Variants in N4BP2L1 observed in about 807,000 individuals in gnomAD.
N4BP2L1 encodes the protein NEDD4 binding protein 2 like 1, also known as NEDD4-binding protein 2-like 1.
Under a neutral mutation model 21.2 loss-of-function variants are expected in N4BP2L1, and 12 were observed. That is an observed-to-expected ratio of 0.57 (90% CI 0.36 to 0.92). The LOEUF (loss-of-function observed/expected upper bound fraction) is 0.92. Among genes scored for constraint, N4BP2L1 ranks in the 40% least tolerant of loss-of-function variants. N4BP2L1 has a pLI of 0.01. For missense variants in N4BP2L1, 259 were observed against 310.6 expected, an observed-to-expected ratio of 0.83 and a Z score of 1.25; for synonymous variants, 104 against 112.8, an observed-to-expected ratio of 0.92 and a Z score of 0.49.
intron 1 of N4BP2L1, among the ~76,000 whole-genome samples, chr13:32,412,385 G>GGGAGGCCAAGACGGGCA (rs1555294955): frequency 2.4e-5 from 2 of 85,090 alleles, no homozygotes; most frequent in Non-Finnish European, 6.5e-5. Flanking sequence ...CCAGCACTTT[G>GGGAGGCCAAGACGGGCA]GGAGGCCAAG....
chr13:32,402,319 C>T lies in N4BP2L1; in HGVS notation c.*623G>A. 1.7e-6 allele frequency: 1 copy of T among 584,018 alleles called. No homozygotes were observed. The highest frequency in any genetic ancestry group is 2.2e-6 in the Non-Finnish European group (1 of 463,634). The allele number at this position is 584,018 out of a possible 1,614,324, so 36.2% of individuals were successfully genotyped here. On this transcript the variant is annotated 3_prime_UTR_variant, in exon 5 of 5. Coordinates refer to ENST00000380130, the MANE Select transcript of N4BP2L1 (RefSeq NM_052818.3). Reference sequence around the variant, plus strand: ...GCTCCTGTAGCTATTAAGGATTTGACAGCATTTTTAACAATGATACATCAT... The same window carrying T: ...GCTCCTGTAGCTATTAAGGATTTGATAGCATTTTTAACAATGATACATCAT...
chr13:32,427,133 G>A (rs1178055607), intron 1 of N4BP2L1, among the ~76,000 whole-genome samples: 2 of 152,246 alleles, frequency 1.3e-5, no homozygotes, highest in Non-Finnish European at 2.9e-5. Flanking sequence ...CCAGAGGTTG[G>A]GTACCGGAGG....
At position 32,402,983 on chromosome 13, in the gene N4BP2L1, T is replaced by C; in HGVS notation, c.691A>G (p.Ser231Gly). 6.2e-7 allele frequency: 1 copy of C among 1,613,780 alleles called. No homozygotes were observed. The highest frequency in any genetic ancestry group is 8.5e-7 in the Non-Finnish European group (1 of 1,179,770). The change falls in exon 5 of 5, where the codon AGC becomes GGC. Residue 231 changes from serine to glycine, a missense_variant. By Grantham distance (56) the Ser-to-Gly change is moderately conservative. Around this residue, in one of 3 missense-constraint regions of N4BP2L1, gnomAD observed 108 missense variants for 107.8 expected, o/e 1.00. Coordinates refer to ENST00000380130, the MANE Select transcript of N4BP2L1 (RefSeq NM_052818.3). ...RRAHGGFTNE[S>G]SYHRRGGCHH... ...CAACCGCCCCTTCTGTGATAGGAGC[T>C]CTCATTTGTAAATCCACCGTGGGCC...
intron 1 of N4BP2L1, chr13:32,425,178 C>T (rs2074693708): frequency 6.6e-6 from 1 of 152,122 alleles, no homozygotes; most frequent in South Asian, 2.1e-4. Flanking sequence ...TATTTTTAAA[C>T]AATTTGCTCT....
At chr13:32,403,542 T>C (rs745424074) in intron 4 of N4BP2L1, 5 of 406,358 alleles carry the variant, frequency 1.2e-5, no homozygotes, top group Non-Finnish European at 2.4e-5. Flanking sequence ...CATATATCTA[T>C]CTACTTATGT....
intron 1 of N4BP2L1, among the ~76,000 whole-genome samples, chr13:32,424,480 A>G (rs181419448): frequency 6.2e-4 from 94 of 152,274 alleles, no homozygotes; most frequent in Admixed American, 1.7e-3. Context: ...ATGTCTTTCC[A>G]TTGGTTAATC....
Position 32,407,353 on chromosome 13 carries a change from T to C in N4BP2L1, c.308-15A>G. 1 of 1,614,106 alleles carries C rather than the reference T, an allele frequency of 6.2e-7. No individual in the cohort carries two copies. The highest frequency in any genetic ancestry group is 2.2e-5 in the East Asian group (1 of 44,866). On this transcript the variant is annotated splice_polypyrimidine_tract_variant and intron_variant, in intron 2 of 4. Transcript: ENST00000380130. ...TGCTTTTCTTGCTGCAACACAATGT[T>C]ACATAACAGTGAACAACATGCAACA...
chr13:32,406,060 G>A (rs1488768596), intron 3 of N4BP2L1, among the ~76,000 whole-genome samples: 4 of 150,820 alleles, frequency 2.7e-5, no homozygotes, highest in East Asian at 3.9e-4. Flanking sequence ...CTGCCACCAC[G>A]CCCGGCTAAT....
intron 1 of N4BP2L1, among the ~76,000 whole-genome samples, chr13:32,409,012 GA>G (rs2073693906): frequency 6.6e-6 from 1 of 152,128 alleles, no homozygotes; most frequent in South Asian, 2.1e-4. Context: ...AGGCCAGTAT[GA>G]AAAAACATTT....
intron 1 of N4BP2L1, among the ~76,000 whole-genome samples, chr13:32,411,210 T>C (rs891785171): frequency 7.2e-5 from 11 of 152,170 alleles, no homozygotes; most frequent in Non-Finnish European, 1.0e-4. Flanking sequence ...AGGATCACTA[T>C]GGGGCAAGAA....
chr13:32,402,274 G>T lies in N4BP2L1; in HGVS notation c.*668C>A. 1.4e-6 allele frequency: 1 copy of T among 706,586 alleles called. No individual in the cohort carries two copies. Among genetic ancestry groups the T allele is most frequent in the Non-Finnish European group, 1.7e-6 (1 of 575,556 alleles). The allele number at this position is 706,586 out of a possible 1,614,324, so 43.8% of individuals were successfully genotyped here. On this transcript the variant is annotated 3_prime_UTR_variant, in exon 5 of 5. Transcript: ENST00000380130. ...AACACAAGGCGTGACTTTAAATAAT[G>T]ACACTGATTTCCCTCAGTAGCTCCT...
At position 32,402,879 on chromosome 13, in the gene N4BP2L1, AAAT is replaced by A. The variant is rs570403210; in HGVS notation, c.*60_*62del. 476 of 1,509,076 alleles carry A rather than the reference AAAT, an allele frequency of 3.2e-4. 3 individuals carry two copies. The South Asian group carries it at 6.2e-3, about 20-fold the overall frequency. The allele number at this position is 1,509,076 out of a possible 1,614,324, so 93.5% of individuals were successfully genotyped here. A position where few individuals can be genotyped will look rare whatever the true frequency, so the allele number is the denominator to read the frequency against. ...GGAGCTCTGACTAAAATGCAACAAA[AAAT>A]AACAAAAACTGAAGTAGAAACTGAC... On this transcript the variant is annotated 3_prime_UTR_variant, in exon 5 of 5. Coordinates refer to ENST00000380130, the MANE Select transcript of N4BP2L1 (RefSeq NM_052818.3).
intron 3 of N4BP2L1, among the ~76,000 whole-genome samples, chr13:32,405,005 T>C (rs2073383444): frequency 6.6e-6 from 1 of 152,184 alleles, no homozygotes. Context: ...TACTACTTTA[T>C]CTCAAACTGA....
chr13:32,427,652 C>T (rs2074863186), intron 1 of N4BP2L1, among the ~76,000 whole-genome samples: 2 of 152,078 alleles, frequency 1.3e-5, no homozygotes, highest in Non-Finnish European at 2.9e-5. Context: ...ACAAACAGGA[C>T]GAGCTCCCTC....
Position 32,403,070 on chromosome 13 carries a change from T to C in N4BP2L1, c.604A>G (p.Asn202Asp). ...CTGGCATTGTTGGAAGGCAATGCAT[T>C]ATTCCTGTCCTGGTTTCTGTTCATT... Reference protein sequence around the residue: ...SRMNRNQDRNNALPSNNARYW... With the variant: ...SRMNRNQDRNDALPSNNARYW... Residue 202 changes from asparagine (N) to aspartate (D), a missense_variant, in exon 5 of 5, where the codon AAT (asparagine) becomes GAT (aspartate). By Grantham distance (23) the Asn-to-Asp change is conservative. Transcript: ENST00000380130. 1 of 1,614,128 alleles carries C rather than the reference T, an allele frequency of 6.2e-7. No homozygotes were observed. Among genetic ancestry groups the C allele is most frequent in the Non-Finnish European group, 8.5e-7 (1 of 1,180,020 alleles).
At chr13:32,412,641 CAAAAAAA>C (rs777196869) in intron 1 of N4BP2L1, among the ~76,000 whole-genome samples, 2 of 101,040 alleles carry the variant, frequency 2.0e-5, no homozygotes, top group African/African-American at 7.8e-5. Context: ...TCAACTGTCT[CAAAAAAA>C]AAAAAAAAAA....
At chr13:32,428,237 T>C, upstream of N4BP2L1, 1 of 668,132 alleles carries the variant, frequency 1.5e-6, no homozygotes, top group South Asian at 5.0e-5. Context: ...GGAACCGTGC[T>C]GCGTGGGAGG....
At chr13:32,415,980 A>T (rs1457595076) in intron 1 of N4BP2L1, 1 of 152,224 alleles carries the variant, frequency 6.6e-6, no homozygotes, top group East Asian at 1.9e-4. Flanking sequence ...AAGGTCCACA[A>T]GGGCAGGATC....
At chr13:32,406,300 A>T (rs1254596612) in intron 3 of N4BP2L1, among the ~76,000 whole-genome samples, 1 of 152,112 alleles carries the variant, frequency 6.6e-6, no homozygotes, top group Non-Finnish European at 1.5e-5. Flanking sequence ...AATATGTATG[A>T]AAAAAGACCA....
Sources: allele counts gnomAD v4.1 joint callset (sites outside exome capture counted in the v4.1 genomes callset), GRCh38; gene constraint gnomAD v4.1.1; regional missense constraint gnomAD v4.1.1; transcripts MANE v1.5; gene names NCBI Gene and HGNC (gene_info 2026-07-23, HGNC 2026-07-21).